The following NUAK1 variants were observed in gnomAD, a reference collection of about 807,000 sequenced individuals.
The protein encoded by NUAK1 is NUAK family SNF1-like kinase 1.
In NUAK1, 26 loss-of-function variants were observed where a neutral mutation model predicts 56.9. The observed-to-expected ratio is 0.46, with a 90% CI of 0.33 to 0.63. The LOEUF is 0.63. Among genes scored for constraint, NUAK1 ranks in the 30% least tolerant of loss-of-function variants. The pLI, the probability that NUAK1 is intolerant of heterozygous loss-of-function variation, is 0.02. For synonymous variants in NUAK1, 337 were observed against 336.0 expected (o/e 1.00, Z -0.03); for missense variants, 727 against 876.1 (o/e 0.83, Z 2.15).
In NUAK1 at chr12:106,066,815, C is replaced by G; in HGVS notation, c.1973G>C (p.Ser658Thr). ...QVYKQALEIC[S>T]KLN ...CGCCCTGGAATGCTAGTTGAGCTTGCTGCAGATCTCCAGCGCTTGCTTGTA... is the reference window on the plus strand; with the variant it reads ...CGCCCTGGAATGCTAGTTGAGCTTGGTGCAGATCTCCAGCGCTTGCTTGTA... Residue 658 changes from serine to threonine, a missense_variant, in exon 7 of 7, where the codon AGC (serine) becomes ACC (threonine). Transcript: ENST00000261402. 1 of 1,608,426 alleles carries G rather than the reference C, an allele frequency of 6.2e-7. No individual in the cohort carries two copies. Among genetic ancestry groups the G allele is most frequent in the South Asian group, 1.1e-5 (1 of 90,764 alleles).
At chr12:106,071,037 A>C in intron 5 of NUAK1, 131 bp from the exon 6 acceptor site, 1 of 911,948 alleles carries the variant, frequency 1.1e-6, no homozygotes, top group Non-Finnish European at 1.7e-6. Context: ...CACCTGGAAG[A>C]TAGGTTCCTA....
intron 1 of NUAK1, among the ~76,000 whole-genome samples, chr12:106,122,315 C>T (rs761107635): frequency 3.3e-5 from 5 of 152,132 alleles, no homozygotes; most frequent in African/African-American, 4.8e-5. Context: ...TGGCCATGAG[C>T]GGCAGTATCA....
intron 2 of NUAK1, among the ~76,000 whole-genome samples, chr12:106,087,397 T>C (rs762806238): frequency 1.1e-4 from 17 of 152,172 alleles, no homozygotes; most frequent in Non-Finnish European, 2.1e-4. Context: ...CACGATCCCA[T>C]GGGCCCCTCT....
chr12:106,073,125 T>C (rs2032423431), intron 4 of NUAK1, among the ~76,000 whole-genome samples: 1 of 152,240 alleles, frequency 6.6e-6, no homozygotes, highest in Non-Finnish European at 1.5e-5. Context: ...TTTAAATGGA[T>C]GCTCTATTTA....
intron 1 of NUAK1, among the ~76,000 whole-genome samples, chr12:106,121,578 C>G (rs1342873446): frequency 6.6e-6 from 1 of 152,180 alleles, no homozygotes; most frequent in African/African-American, 2.4e-5. Flanking sequence ...GGCAAAACCC[C>G]ATCTCTACTA....
chr12:106,132,317 T>C (rs565443749), intron 1 of NUAK1, among the ~76,000 whole-genome samples: 1 of 152,330 alleles, frequency 6.6e-6, no homozygotes, highest in South Asian at 2.1e-4. Flanking sequence ...TCCCAAGATA[T>C]TCTCTCGCTC....
intron 1 of NUAK1, among the ~76,000 whole-genome samples, chr12:106,113,041 A>G (rs2032880308): frequency 6.6e-6 from 1 of 152,180 alleles, no homozygotes; most frequent in South Asian, 2.1e-4. Flanking sequence ...TTCGTGCTTG[A>G]CTGGGCCTGG....
At chr12:106,100,004 C>T (rs1361855330) in intron 2 of NUAK1, among the ~76,000 whole-genome samples, 1 of 143,954 alleles carries the variant, frequency 6.9e-6, no homozygotes, top group Non-Finnish European at 1.5e-5. Flanking sequence ...GTTGCCCAGG[C>T]TGGTCTCGAA....
intron 1 of NUAK1, among the ~76,000 whole-genome samples, chr12:106,134,195 A>G (rs2033107082): frequency 6.6e-6 from 1 of 152,180 alleles, no homozygotes; most frequent in Admixed American, 6.5e-5. Flanking sequence ...AGTTTGAACC[A>G]CATGTTTGCC....
intron 1 of NUAK1, among the ~76,000 whole-genome samples, chr12:106,115,787 C>A (rs1379367326): frequency 6.6e-6 from 1 of 152,188 alleles, no homozygotes; most frequent in Admixed American, 6.5e-5. Context: ...TGGGGATGAG[C>A]CTCGCCCAGT....
intron 2 of NUAK1, among the ~76,000 whole-genome samples, chr12:106,094,411 G>A (rs1272273313): frequency 6.6e-6 from 1 of 152,220 alleles, no homozygotes; most frequent in Non-Finnish European, 1.5e-5. Context: ...CTGCAAACCA[G>A]TTGAGTCATT....
At position 106,067,342 on chromosome 12, in the gene NUAK1, T is replaced by G; in HGVS notation, c.1446A>C (p.Pro482=). The G allele has an allele frequency of 1.2e-6, 2 of 1,614,200 alleles. No individual in the cohort carries two copies. The highest frequency in any genetic ancestry group is 1.7e-6 in the Non-Finnish European group (2 of 1,180,036). Residue 482 remains proline, a synonymous_variant, in exon 7 of 7, where the codon CCA becomes CCC. Transcript: ENST00000261402. The surrounding 1 kb of genome is among the most constrained non-coding windows in gnomAD (Gnocchi z 6.0). ...ACAGCTCCGAAGACTCACTGCGCTCTGGGGAAGAGTAGTAACCTGATTCTC... is the reference window on the plus strand; with the variant it reads ...ACAGCTCCGAAGACTCACTGCGCTCGGGGGAAGAGTAGTAACCTGATTCTC... The part of the protein sequence containing the change: ...QQRESGYYSS[P]ERSESSELLD...
Position 106,086,719 on chromosome 12 carries a change from C to T in NUAK1, c.513+15G>A. On this transcript the variant is annotated intron_variant, in intron 3 of 6. Coordinates refer to ENST00000261402, the MANE Select transcript of NUAK1 (RefSeq NM_014840.3). ...ACCATCTACGGCCAAAGCTGCGGGC[C>T]AGGCGCAGCCATACCTTGTGACAAT... 1.9e-6 allele frequency: 3 copies of T among 1,594,398 alleles called. No homozygotes were observed. The highest frequency in any genetic ancestry group is 1.3e-5 in the African/African-American group (1 of 74,702).
chr12:106,138,365 G>T lies in NUAK1; in HGVS notation c.240+49C>A. On this transcript the variant is annotated intron_variant, in intron 1 of 6. Coordinates refer to ENST00000261402, the MANE Select transcript of NUAK1 (RefSeq NM_014840.3). This position sits in a 1 kb window ranked among gnomAD's most constrained non-coding sequence, Gnocchi z 5.0. ...CCGCCTCGCACGCCCTCAGTCCCCG[G>T]CCGCGTCCACCCAGCGCCCCCCGCA... 1.3e-6 allele frequency: 2 copies of T among 1,551,746 alleles called. No homozygotes were observed. Among genetic ancestry groups the T allele is most frequent in the Non-Finnish European group, 8.7e-7 (1 of 1,155,216 alleles).
intron 2 of NUAK1, among the ~76,000 whole-genome samples, chr12:106,100,756 C>T (rs2032739270): frequency 6.6e-6 from 1 of 152,198 alleles, no homozygotes; most frequent in Non-Finnish European, 1.5e-5. Context: ...CATTAAAACC[C>T]ACACTTTCTA....
intron 4 of NUAK1, among the ~76,000 whole-genome samples, chr12:106,076,018 C>T (rs968417271): frequency 2.6e-5 from 4 of 152,084 alleles, no homozygotes; most frequent in African/African-American, 9.7e-5. Flanking sequence ...TTCAAATAGA[C>T]AGAACTTTAA....
rs929909355 is a variant in NUAK1, at chr12:106,068,019, G to C, written c.833-64C>G. On this transcript the variant is annotated intron_variant, in intron 6 of 6. Transcript: ENST00000261402. ...GGAGCTTCTGGCTTTGTGATAGTGG[G>C]ACCCTCCAGGAGTGACGAAAGACAC... The C allele has an allele frequency of 8.7e-6, 13 of 1,493,380 alleles. No individual in the cohort carries two copies. In the Middle Eastern group the frequency reaches 7.1e-4, roughly 81 times the overall value. 92.5% of individuals were successfully genotyped at this position (1,493,380 alleles called of 1,614,324 possible).
intron 2 of NUAK1, among the ~76,000 whole-genome samples, chr12:106,096,678 A>T (rs1379194693): frequency 6.6e-6 from 1 of 152,232 alleles, no homozygotes; most frequent in African/African-American, 2.4e-5. Context: ...GCAGCAACCC[A>T]ACAGCTAAGT....
chr12:106,070,674 G>T (rs2032396265), intron 6 of NUAK1, 100 bp downstream of exon 6: 2 of 1,436,634 alleles, frequency 1.4e-6, no homozygotes, highest in South Asian at 1.2e-5. Flanking sequence ...AAAACCAGGT[G>T]ACTCCAGACA....
Sources: allele counts gnomAD v4.1 joint callset (sites outside exome capture counted in the v4.1 genomes callset), GRCh38; gene constraint gnomAD v4.1.1; non-coding constraint Gnocchi (gnomAD v3.1); transcripts MANE v1.5; gene names NCBI Gene and HGNC (gene_info 2026-07-23, HGNC 2026-07-21).